ZNF609: variants seen among roughly 807,000 people sequenced by gnomAD.
ZNF609 encodes zinc finger protein 609.
In ZNF609, 11 loss-of-function variants were observed where a neutral mutation model predicts 109.5. The ratio of observed to expected loss-of-function variants is 0.10; its 90% CI spans 0.06 to 0.17. ZNF609 has a LOEUF of 0.17. ZNF609 is among the 10% of genes least tolerant of loss of function. ZNF609 has a pLI of 1.00. For synonymous variants in ZNF609, 646 were observed against 662.0 expected, an observed-to-expected ratio of 0.98 and a Z score of 0.37; for missense variants, 1,559 against 1,772.4, an observed-to-expected ratio of 0.88 and a Z score of 2.16.
At chr15:64,503,092 A>G (rs2140352824) in intron 2 of ZNF609, 1 of 151,638 alleles carries the variant, frequency 6.6e-6, no homozygotes, top group East Asian at 1.9e-4. Flanking sequence ...GAAATTATCT[A>G]TCTCATGTTC....
chr15:64,511,732 T>C (rs952721308), intron 2 of ZNF609, among the ~76,000 whole-genome samples: 2 of 150,308 alleles, frequency 1.3e-5, no homozygotes, highest in African/African-American at 4.9e-5. Context: ...TTTTTTTTTT[T>C]GAGACTGAGT....
chr15:64,486,871 A>T (rs961402767), intron 1 of ZNF609, among the ~76,000 whole-genome samples: 3 of 152,170 alleles, frequency 2.0e-5, no homozygotes, highest in Non-Finnish European at 4.4e-5. Context: ...AAGTGCTGGC[A>T]TTACAGGTGT....
rs1379868203 is a variant in ZNF609, at chr15:64,579,720, A to AC, written c.748-43107_748-43106insC. On this transcript the variant is annotated intron_variant, in intron 2 of 9. Coordinates refer to ENST00000326648, the MANE Select transcript of ZNF609 (RefSeq NM_015042.2). ...GGAAAACAAACAAACAAAAAAAAAA[A>AC]ACTTGTGTTTTTGTATAGCTCTGTT... Among the ~76,000 whole-genome samples, 15 of 151,548 alleles carry AC rather than the reference A, an allele frequency of 9.9e-5. 1 individual carries two copies. The East Asian group carries it at 2.1e-3, about 22-fold the overall frequency.
chr15:64,562,419 A>G (rs1894695041), intron 2 of ZNF609, among the ~76,000 whole-genome samples: 1 of 152,240 alleles, frequency 6.6e-6, no homozygotes, highest in Non-Finnish European at 1.5e-5. Flanking sequence ...AGAAAGAAGC[A>G]GAAGTTGATT....
intron 2 of ZNF609, among the ~76,000 whole-genome samples, chr15:64,522,245 G>A (rs188721740): frequency 1.4e-4 from 22 of 152,292 alleles, no homozygotes; most frequent in African/African-American, 5.3e-4. Context: ...TTATTGTAAA[G>A]AATTTGGAAA....
At chr15:64,600,510 G>A (rs1047184525) in intron 2 of ZNF609, among the ~76,000 whole-genome samples, 5 of 149,694 alleles carry the variant, frequency 3.3e-5, no homozygotes, top group East Asian at 3.9e-4. Flanking sequence ...GTGGCAGCAC[G>A]CCTGTAGTCC....
rs3057833 is a variant in ZNF609, at chr15:64,609,064, T to TTTTCTTTCTTTC, written c.748-13707_748-13696dup. ...GTTACTTGCATGTTTTAGTTTTAAT[T>TTTTCTTTCTTTC]TTTCTTTCTTTCTTTCTTTCTTTCT... On this transcript the variant is annotated intron_variant, in intron 2 of 9. Transcript: ENST00000326648. 5.0e-3 allele frequency among the ~76,000 whole-genome samples: 592 copies of TTTTCTTTCTTTC among 119,096 alleles called. 17 individuals carry two copies. The highest frequency in any genetic ancestry group is 0.035 in the South Asian group (99 of 2,846). The allele number at this position is 119,096 out of a possible 152,430, so 78.1% of individuals were successfully genotyped here.
intron 3 of ZNF609, among the ~76,000 whole-genome samples, chr15:64,665,632 G>A (rs1264001708): frequency 3.9e-5 from 6 of 152,094 alleles, no homozygotes; most frequent in African/African-American, 7.2e-5. Flanking sequence ...CAAATGGGCC[G>A]GGCCCGGTGG....
In ZNF609 at chr15:64,528,885, A is replaced by G. The variant is rs1595708539; in HGVS notation, c.747+28719A>G. The G allele has an allele frequency of 2.6e-5, 26 of 1,004,334 alleles. No homozygotes were observed. The East Asian group carries it at 3.7e-4, about 14-fold the overall frequency. The allele number at this position is 1,004,334 out of a possible 1,614,324, so 62.2% of individuals were successfully genotyped here. On this transcript the variant is annotated intron_variant, in intron 2 of 9. Transcript: ENST00000326648. ...CTCTTGAGGGGGCCCTCCGATGCCT[A>G]CTTCACCACCTTCTTGATGTCATCA...
intron 2 of ZNF609, among the ~76,000 whole-genome samples, chr15:64,622,610 A>G (rs1370329434): frequency 4.6e-5 from 7 of 152,224 alleles, no homozygotes. Flanking sequence ...TTATACGCTC[A>G]TTAATAAGAG....
chr15:64,475,512 C>T (rs1345724037), intron 1 of ZNF609, among the ~76,000 whole-genome samples: 1 of 151,168 alleles, frequency 6.6e-6, no homozygotes, highest in East Asian at 1.9e-4. Context: ...CCTCAGCCTC[C>T]CGAGTAACTG....
intron 4 of ZNF609, among the ~76,000 whole-genome samples, chr15:64,671,732 C>T (rs187555556): frequency 2.7e-4 from 41 of 152,268 alleles, no homozygotes; most frequent in African/African-American, 9.6e-4. Flanking sequence ...CCAATTAATG[C>T]AATTCCCATG....
At chr15:64,673,066 A>T (rs1441273247) in intron 4 of ZNF609, among the ~76,000 whole-genome samples, 3 of 152,116 alleles carry the variant, frequency 2.0e-5, no homozygotes, top group African/African-American at 7.2e-5. Context: ...GGAAGGACTT[A>T]TTTCTGCTTT....
intron 2 of ZNF609, chr15:64,500,780 G>T (rs528076322): frequency 1.4e-5 from 3 of 213,744 alleles, no homozygotes; most frequent in South Asian, 1.9e-4. Context: ...GGTTATGACA[G>T]TTTGGCCTAG....
intron 2 of ZNF609, among the ~76,000 whole-genome samples, chr15:64,617,049 C>G (rs912725807): frequency 2.6e-5 from 4 of 151,772 alleles, no homozygotes; most frequent in African/African-American, 9.7e-5. Context: ...CTCAGGTGAT[C>G]CACCTGCCTC....
chr15:64,644,536 A>G (rs1441389380), intron 3 of ZNF609, among the ~76,000 whole-genome samples: 1 of 152,198 alleles, frequency 6.6e-6, no homozygotes, highest in Non-Finnish European at 1.5e-5. Context: ...AGGTCTTTAA[A>G]ATATAACAGA....
At chr15:64,462,526 T>C (rs1387582513) in intron 1 of ZNF609, among the ~76,000 whole-genome samples, 3 of 152,150 alleles carry the variant, frequency 2.0e-5, no homozygotes, top group Admixed American at 2.0e-4. Flanking sequence ...CTTGGCACTT[T>C]GGGAGAATGA....
At chr15:64,588,242 C>T (rs1347769548) in intron 2 of ZNF609, among the ~76,000 whole-genome samples, 1 of 123,076 alleles carries the variant, frequency 8.1e-6, no homozygotes, top group African/African-American at 3.0e-5. Flanking sequence ...CGGTGAAACC[C>T]CCGTCTCTAC....
intron 1 of ZNF609, among the ~76,000 whole-genome samples, chr15:64,471,553 T>A (rs561758729): frequency 4.3e-4 from 66 of 152,314 alleles, no homozygotes; most frequent in African/African-American, 1.6e-3. Flanking sequence ...TTTAGAATGA[T>A]TTATATTAGA....
Sources: allele counts gnomAD v4.1 joint callset (sites outside exome capture counted in the v4.1 genomes callset), GRCh38; gene constraint gnomAD v4.1.1; transcripts MANE v1.5; gene names NCBI Gene and HGNC (gene_info 2026-07-23, HGNC 2026-07-21).